Variants in CELF2 observed in about 807,000 individuals in gnomAD.
The protein encoded by CELF2 is CUG triplet repeat RNA-binding protein 2.
Under a neutral mutation model 62.6 loss-of-function variants are expected in CELF2, and 8 were observed. The observed-to-expected ratio is 0.13, with a 90% CI of 0.07 to 0.23. The LOEUF is 0.23. Among genes scored for constraint, CELF2 ranks in the 10% least tolerant of loss-of-function variants. The pLI, the probability that CELF2 is intolerant of heterozygous loss-of-function variation, is 1.00. For missense variants in CELF2, 333 were observed against 671.0 expected, an observed-to-expected ratio of 0.50 and a Z score of 5.56; for synonymous variants, 258 against 250.0, an observed-to-expected ratio of 1.03 and a Z score of -0.30.
chr10:10,692,441 G>A, the CELF2 span, among the ~76,000 whole-genome samples: 1 of 148,124 alleles, frequency 6.8e-6, no homozygotes, highest in African/African-American at 2.5e-5. Flanking sequence ...GTCAGGTAGT[G>A]TGATGCCTCC....
At chr10:11,283,868 G>A (rs892773557) in intron 8 of CELF2, among the ~76,000 whole-genome samples, 25 of 151,668 alleles carry the variant, frequency 1.6e-4, no homozygotes, top group Admixed American at 2.0e-4. Context: ...TGTGGTGGGT[G>A]GATGATGGAT....
At chr10:11,189,074 A>G (rs940263112) in intron 2 of CELF2, among the ~76,000 whole-genome samples, 1 of 152,094 alleles carries the variant, frequency 6.6e-6, no homozygotes, top group African/African-American at 2.4e-5. Context: ...CATCTGTATG[A>G]TTATTTTCTA....
chr10:10,991,966 A>G (rs1160240474), intron 2 of CELF2, among the ~76,000 whole-genome samples: 1 of 152,162 alleles, frequency 6.6e-6, no homozygotes, highest in Non-Finnish European at 1.5e-5. Flanking sequence ...TTACGCTATT[A>G]TGCAACAAAC....
chr10:10,857,580 T>C lies in CELF2; in HGVS notation c.53+58763T>C, dbSNP rs1591255474. The stretch of plus-strand genomic sequence containing the variant: ...AAACATTACTAGATGTACTGAACTG[T>C]ACATTTTAAAATTGTAAAGATGGTG... On this transcript the variant is annotated intron_variant, in intron 1 of 13. Coordinates refer to the CELF2 transcript ENST00000636488. Among the ~76,000 whole-genome samples, 3 of 149,132 alleles carry C rather than the reference T, an allele frequency of 2.0e-5. No individual in the cohort carries two copies. The East Asian group carries it at 5.9e-4, about 29-fold the overall frequency.
At chr10:11,182,982 T>C (rs549832255) in intron 2 of CELF2, among the ~76,000 whole-genome samples, 11 of 152,334 alleles carry the variant, frequency 7.2e-5, no homozygotes, top group African/African-American at 2.6e-4. Flanking sequence ...GGAGACATAA[T>C]TGATATGCGG....
the CELF2 span, among the ~76,000 whole-genome samples, chr10:10,598,491 C>G: frequency 5.9e-5 from 9 of 152,272 alleles, no homozygotes; most frequent in East Asian, 1.5e-3. Flanking sequence ...TGCAACGGAG[C>G]GTGGCAAAGT....
chr10:10,822,370 G>A (rs865949770), intron 1 of CELF2, among the ~76,000 whole-genome samples: 11 of 152,346 alleles, frequency 7.2e-5, no homozygotes, highest in Middle Eastern at 3.4e-3. Flanking sequence ...AGTAAAGGAA[G>A]AGATTTCCTT....
chr10:10,779,134 T>A, the CELF2 span, among the ~76,000 whole-genome samples: 1 of 152,220 alleles, frequency 6.6e-6, no homozygotes, highest in Non-Finnish European at 1.5e-5. Flanking sequence ...GTATCATCTC[T>A]CCATGACTAA....
the CELF2 span, among the ~76,000 whole-genome samples, chr10:10,537,867 C>G: frequency 6.6e-6 from 1 of 152,184 alleles, no homozygotes; most frequent in East Asian, 1.9e-4. Context: ...ACAGACCTGA[C>G]AGAACCTGCA....
the CELF2 span, among the ~76,000 whole-genome samples, chr10:10,481,676 G>T: frequency 6.6e-6 from 1 of 152,230 alleles, no homozygotes; most frequent in African/African-American, 2.4e-5. Flanking sequence ...GGGTCAGCAA[G>T]TCTTGGGAAG....
chr10:10,603,667 G>A, the CELF2 span, among the ~76,000 whole-genome samples: 42,885 of 151,912 alleles, frequency 0.28, 6,412 homozygotes, highest in South Asian at 0.51. Context: ...ATAAGGATAA[G>A]TGCCTTTTCT....
In CELF2 at chr10:11,227,025, C is replaced by T. The variant is rs1456557681; in HGVS notation, c.354+9518C>T. Among the ~76,000 whole-genome samples the T allele has an allele frequency of 1.3e-5, 2 of 152,184 alleles. No homozygotes were observed. Among genetic ancestry groups the T allele is most frequent in the Non-Finnish European group, 2.9e-5 (2 of 68,040 alleles). ...ACTGTCCTCGCCATTGCTCTGCTTC[C>T]GTGTTCCACAGACAGGGGAAGGGCA... On this transcript the variant is annotated intron_variant, in intron 3 of 12. Transcript: ENST00000633077. The surrounding 1 kb of genome is among the most constrained non-coding windows in gnomAD (Gnocchi z 4.8).
chr10:10,726,042 C>A, the CELF2 span, among the ~76,000 whole-genome samples: 1 of 152,056 alleles, frequency 6.6e-6, no homozygotes, highest in Non-Finnish European at 1.5e-5. Flanking sequence ...ACAATCTAGA[C>A]CATTTGTCAC....
intron 1 of CELF2, among the ~76,000 whole-genome samples, chr10:10,842,436 T>G (rs147818793): frequency 9.2e-5 from 14 of 152,206 alleles, no homozygotes; most frequent in Non-Finnish European, 1.5e-4. Context: ...TTTTAAAATA[T>G]ATGCTCTTTA....
At chr10:10,742,793 TA>T in the CELF2 span, among the ~76,000 whole-genome samples, 1 of 152,146 alleles carries the variant, frequency 6.6e-6, no homozygotes, top group Non-Finnish European at 1.5e-5. Flanking sequence ...TTCTCCAACC[TA>T]GTTAGGACCT....
intron 2 of CELF2, among the ~76,000 whole-genome samples, chr10:11,176,049 G>C (rs1201872213): frequency 6.6e-6 from 1 of 152,216 alleles, no homozygotes. Context: ...GAATGCGCTA[G>C]AGAGCGTGAT....
intron 1 of CELF2, among the ~76,000 whole-genome samples, chr10:10,858,756 C>G (rs1305554807): frequency 6.6e-6 from 1 of 150,564 alleles, no homozygotes; most frequent in Non-Finnish European, 1.5e-5. Context: ...AGATGTATTT[C>G]CTAAAAAAAA....
At chr10:10,729,028 T>G in the CELF2 span, among the ~76,000 whole-genome samples, 1 of 152,178 alleles carries the variant, frequency 6.6e-6, no homozygotes, top group African/African-American at 2.4e-5. Flanking sequence ...GCCGGCTGTA[T>G]GTGGGAGAGA....
chr10:10,777,724 C>G, the CELF2 span, among the ~76,000 whole-genome samples: 1 of 152,138 alleles, frequency 6.6e-6, no homozygotes, highest in Non-Finnish European at 1.5e-5. Context: ...TGTGTGTGGT[C>G]CTCTACACTA....
Sources: gnomAD v4.1 joint callset for allele counts (sites outside exome capture counted in the v4.1 genomes callset) on GRCh38, gnomAD v4.1.1 for gene constraint, Gnocchi (gnomAD v3.1) non-coding constraint, MANE v1.5 for transcripts, NCBI Gene and HGNC (gene_info 2026-07-23, HGNC 2026-07-21) for gene names.